Variants in ADGRB1 observed in about 807,000 individuals in gnomAD.
ADGRB1 encodes the protein brain-specific angiogenesis inhibitor 1.
ADGRB1 carries 36 observed loss-of-function variants against 175.7 expected under a neutral mutation model. The ratio of observed to expected loss-of-function variants is 0.20; its 90% CI spans 0.16 to 0.27. ADGRB1 has a LOEUF of 0.27. Ranked by LOEUF, ADGRB1 falls within the 10% of genes least tolerant of loss-of-function variation. The pLI is 1.00. For missense variants in ADGRB1, 1,731 were observed against 2,255.3 expected (o/e 0.77, Z 4.71); for synonymous variants, 1,054 against 979.4 (o/e 1.08, Z -1.42).
chr8:142,485,307 C>A (rs1841612057), intron 13 of ADGRB1, among the ~76,000 whole-genome samples: 1 of 152,222 alleles, frequency 6.6e-6, no homozygotes, highest in Non-Finnish European at 1.5e-5. Context: ...CACAGCAATT[C>A]TATTTAATGA....
chr8:142,469,941 C>G (rs1840559651), intron 2 of ADGRB1, among the ~76,000 whole-genome samples: 1 of 152,214 alleles, frequency 6.6e-6, no homozygotes, highest in Non-Finnish European at 1.5e-5. Context: ...GCTGTGGGAC[C>G]TGGGGACACT....
intron 18 of ADGRB1, among the ~76,000 whole-genome samples, chr8:142,515,900 C>G (rs1357056659): frequency 2.0e-5 from 3 of 152,258 alleles, no homozygotes; most frequent in Non-Finnish European, 4.4e-5. Context: ...CTGTTCCCAT[C>G]TTGCCCTCCC....
chr8:142,531,922 G>C (rs2132216998), intron 24 of ADGRB1, among the ~76,000 whole-genome samples: 1 of 152,278 alleles, frequency 6.6e-6, no homozygotes, highest in African/African-American at 2.4e-5. Context: ...CTGCACAGGT[G>C]TTCTGCACTA....
chr8:142,481,826 T>A, intron 11 of ADGRB1, 115 bp downstream of exon 11: 4 of 945,026 alleles, frequency 4.2e-6, no homozygotes, highest in African/African-American at 1.6e-5. Context: ...CTAACCCATG[T>A]CATAGGTTGA....
Position 142,522,162 on chromosome 8 carries a change from C to T in ADGRB1, c.3175+47C>T, listed in dbSNP as rs539094632. 9 of 1,585,786 alleles carry T rather than the reference C, an allele frequency of 5.7e-6. No homozygotes were observed. In the Admixed American group the frequency reaches 1.5e-4, roughly 27 times the overall value. Reference sequence around the variant, plus strand: ...CCTCCTGGACAGATACCCTTCCTCCCCCACTGCTTGTTCTGTCCTGGCAGC... The same window carrying T: ...CCTCCTGGACAGATACCCTTCCTCCTCCACTGCTTGTTCTGTCCTGGCAGC... On this transcript the variant is annotated intron_variant, in intron 21 of 30. Coordinates refer to ENST00000517894, the MANE Select transcript of ADGRB1 (RefSeq NM_001702.3).
chr8:142,543,336 A>G lies in ADGRB1; in HGVS notation c.4414-67A>G. On this transcript the variant is annotated intron_variant, in intron 28 of 30. Transcript: ENST00000517894. The surrounding 1 kb of genome is among the most constrained non-coding windows in gnomAD (Gnocchi z 4.4). ...GTGAGTCCCTGATGCCCTCAGTCTG[A>G]GGCAGGGAGAGGCGTGGACTTGTCA... 2 of 1,595,060 alleles carry G rather than the reference A, an allele frequency of 1.3e-6. No homozygotes were observed. Among genetic ancestry groups the G allele is most frequent in the East Asian group, 2.3e-5 (1 of 44,368 alleles).
chr8:142,513,286 C>T (rs1487682014), intron 18 of ADGRB1, among the ~76,000 whole-genome samples: 1 of 152,168 alleles, frequency 6.6e-6, no homozygotes, highest in African/African-American at 2.4e-5. Context: ...CCATGTGTGG[C>T]TCAGTTTGGG....
intron 17 of ADGRB1, among the ~76,000 whole-genome samples, chr8:142,498,175 C>A (rs754565705): frequency 1.3e-5 from 2 of 152,188 alleles, no homozygotes; most frequent in Non-Finnish European, 2.9e-5. Context: ...CTGTCTCTTT[C>A]TTCCTGGCAG....
At chr8:142,488,915 TG>T in intron 14 of ADGRB1, 119 bp from the exon 15 acceptor site, 1 of 1,270,986 alleles carries the variant, frequency 7.9e-7, no homozygotes, top group Non-Finnish European at 1.1e-6. Flanking sequence ...GCCAGGGCCC[TG>T]GACGCGACCT....
chr8:142,514,477 G>A (rs1843306462), intron 18 of ADGRB1, among the ~76,000 whole-genome samples: 2 of 152,182 alleles, frequency 1.3e-5, no homozygotes, highest in Admixed American at 1.3e-4. Flanking sequence ...GAGTGGTGGG[G>A]ACTGAACTAG....
At chr8:142,526,516 CA>C (rs1390198099) in intron 23 of ADGRB1, 25 bp from the exon 24 acceptor site, 3 of 1,428,896 alleles carry the variant, frequency 2.1e-6, no homozygotes, top group Admixed American at 1.9e-5. Flanking sequence ...CCCACCCCCA[CA>C]CCCCCACCAC....
At chr8:142,473,256 G>A (rs533686654) in intron 2 of ADGRB1, among the ~76,000 whole-genome samples, 387 of 152,274 alleles carry the variant, frequency 2.5e-3, no homozygotes, top group African/African-American at 8.1e-3. Flanking sequence ...CTGGGACGGC[G>A]AGGGGGGTGC....
chr8:142,492,912 C>T lies in ADGRB1; in HGVS notation c.2675+2097C>T, dbSNP rs959342280. Among the ~76,000 whole-genome samples, 3 of 152,002 alleles carry T rather than the reference C, an allele frequency of 2.0e-5. No individual in the cohort carries two copies. Among genetic ancestry groups the T allele is most frequent in the Admixed American group, 1.3e-4 (2 of 15,270 alleles). ...GGCCCCTCCCCACAGTGCAGAAACCCTCCATCCGGGCTGTTCGCCGGCCGC... is the reference window on the plus strand; with the variant it reads ...GGCCCCTCCCCACAGTGCAGAAACCTTCCATCCGGGCTGTTCGCCGGCCGC... On this transcript the variant is annotated intron_variant, in intron 17 of 30. Transcript: ENST00000517894. The surrounding 1 kb of genome is among the most constrained non-coding windows in gnomAD (Gnocchi z 4.4).
intron 26 of ADGRB1, among the ~76,000 whole-genome samples, chr8:142,538,249 G>A (rs1158983390): frequency 6.6e-6 from 1 of 152,214 alleles, no homozygotes; most frequent in Non-Finnish European, 1.5e-5. Flanking sequence ...GTGCTCCCTG[G>A]GTCCCGGGGT....
chr8:142,478,885 C>T (rs1249338711), intron 7 of ADGRB1, among the ~76,000 whole-genome samples: 7 of 134,532 alleles, frequency 5.2e-5, no homozygotes, highest in African/African-American at 2.0e-4. Flanking sequence ...CACAGTGGGA[C>T]TTGGGGTATC....
chr8:142,492,832 C>T lies in ADGRB1; in HGVS notation c.2675+2017C>T, dbSNP rs558270873. ...TTTGCATTTTCAGGGGGTGGCAGTG[C>T]GGGGGCTGCAGGTGGGTCTCTCACC... On this transcript the variant is annotated intron_variant, in intron 17 of 30. Coordinates refer to ENST00000517894, the MANE Select transcript of ADGRB1 (RefSeq NM_001702.3). The surrounding 1 kb of genome is among the most constrained non-coding windows in gnomAD (Gnocchi z 4.4). Among the ~76,000 whole-genome samples, 10 of 152,114 alleles carry T rather than the reference C, an allele frequency of 6.6e-5. No individual in the cohort carries two copies. Among genetic ancestry groups the T allele is most frequent in the Non-Finnish European group, 1.2e-4 (8 of 67,996 alleles).
At chr8:142,506,265 T>G (rs1842847667) in intron 17 of ADGRB1, among the ~76,000 whole-genome samples, 1 of 152,124 alleles carries the variant, frequency 6.6e-6, no homozygotes, top group Non-Finnish European at 1.5e-5. Context: ...GGACCTGTCA[T>G]GGGGCCCTAT....
Position 142,543,341 on chromosome 8 carries a change from G to A in ADGRB1, c.4414-62G>A, listed in dbSNP as rs893641275. Reference sequence around the variant, plus strand: ...TCCCTGATGCCCTCAGTCTGAGGCAGGGAGAGGCGTGGACTTGTCAGGGAC... The same window carrying A: ...TCCCTGATGCCCTCAGTCTGAGGCAAGGAGAGGCGTGGACTTGTCAGGGAC... On this transcript the variant is annotated intron_variant, in intron 28 of 30. Transcript: ENST00000517894. The surrounding 1 kb of genome is among the most constrained non-coding windows in gnomAD (Gnocchi z 4.4). 22 of 1,603,124 alleles carry A rather than the reference G, an allele frequency of 1.4e-5. No individual in the cohort carries two copies. Among genetic ancestry groups the A allele is most frequent in the Non-Finnish European group, 1.8e-5 (21 of 1,173,410 alleles).
At chr8:142,494,828 G>C (rs1350963578) in intron 17 of ADGRB1, among the ~76,000 whole-genome samples, 1 of 152,014 alleles carries the variant, frequency 6.6e-6, no homozygotes, top group Non-Finnish European at 1.5e-5. Flanking sequence ...CTGGCTTGTA[G>C]TGCTGAGGGC....
Sources: allele counts gnomAD v4.1 joint callset (sites outside exome capture counted in the v4.1 genomes callset), GRCh38; gene constraint gnomAD v4.1.1; non-coding constraint Gnocchi (gnomAD v3.1); transcripts MANE v1.5; gene names NCBI Gene and HGNC (gene_info 2026-07-23, HGNC 2026-07-21).